Variants in HMCN1 observed in about 807,000 individuals in gnomAD.
HMCN1 encodes the protein hemicentin-1.
Under a neutral mutation model 625.9 loss-of-function variants are expected in HMCN1, and 321 were observed. That is an observed-to-expected ratio of 0.51 (90% CI 0.47 to 0.56). HMCN1 has a LOEUF of 0.56. HMCN1 is among the 20% of genes least tolerant of loss of function. The pLI, the probability that HMCN1 is intolerant of heterozygous loss-of-function variation, is 0.00. For synonymous variants in HMCN1, 2,425 were observed against 2,417.6 expected, an observed-to-expected ratio of 1.00 and a Z score of -0.09; for missense variants, 6,588 against 6,887.3, an observed-to-expected ratio of 0.96 and a Z score of 1.54.
In HMCN1 at chr1:186,144,720, G is replaced by C. The variant is rs17531405; in HGVS notation, c.14266+17G>C. Reference sequence around the variant, plus strand: ...CTTGCCCAAGTGAGTGTTGGAAATAGTGAGTCAACATTATACTTTCATAAA... The same window carrying C: ...CTTGCCCAAGTGAGTGTTGGAAATACTGAGTCAACATTATACTTTCATAAA... On this transcript the variant is annotated intron_variant, in intron 91 of 106. Coordinates refer to ENST00000271588, the MANE Select transcript of HMCN1 (RefSeq NM_031935.3). The C allele has an allele frequency of 0.16, 260,148 of 1,612,190 alleles. 23,290 individuals are homozygous for C. The highest frequency in any genetic ancestry group is 0.22 in the Middle Eastern group (1,323 of 6,058).
At chr1:185,735,347 A>T (rs1232934517) in intron 1 of HMCN1, among the ~76,000 whole-genome samples, 1 of 152,220 alleles carries the variant, frequency 6.6e-6, no homozygotes, top group Non-Finnish European at 1.5e-5. Context: ...AAAATCACTT[A>T]ACTCACTTAG....
intron 1 of HMCN1, among the ~76,000 whole-genome samples, chr1:185,790,723 C>T (rs1657929966): frequency 6.6e-6 from 1 of 152,226 alleles, no homozygotes; most frequent in Non-Finnish European, 1.5e-5. Context: ...TTGCTGATTG[C>T]ATCCCCCATT....
intron 30 of HMCN1, among the ~76,000 whole-genome samples, chr1:186,010,338 T>C (rs1653919265): frequency 1.3e-5 from 2 of 152,322 alleles, no homozygotes; most frequent in Non-Finnish European, 2.9e-5. Flanking sequence ...GGCAAATATG[T>C]ATGAATTAAA....
intron 1 of HMCN1, among the ~76,000 whole-genome samples, chr1:185,735,674 T>G (rs1167246782): frequency 6.6e-6 from 1 of 152,208 alleles, no homozygotes; most frequent in Non-Finnish European, 1.5e-5. Context: ...TAGAATTGCT[T>G]GTAATTCGGA....
At chr1:185,874,948 C>T (rs1663838823) in intron 4 of HMCN1, among the ~76,000 whole-genome samples, 1 of 151,178 alleles carries the variant, frequency 6.6e-6, no homozygotes, top group Non-Finnish European at 1.5e-5. Flanking sequence ...ATTATTTATT[C>T]AAATAATATT....
At chr1:185,869,623 G>T (rs577098297) in intron 4 of HMCN1, among the ~76,000 whole-genome samples, 24 of 152,186 alleles carry the variant, frequency 1.6e-4, no homozygotes, top group African/African-American at 5.5e-4. Flanking sequence ...AACTGTACAA[G>T]TCAATATATT....
intron 4 of HMCN1, among the ~76,000 whole-genome samples, chr1:185,891,677 T>C (rs1470508376): frequency 1.3e-5 from 2 of 148,168 alleles, no homozygotes; most frequent in Non-Finnish European, 2.9e-5. Flanking sequence ...TGCCGAGAGA[T>C]CCGCTGTTAG....
chr1:186,106,344 A>G (rs1660606135), intron 69 of HMCN1, among the ~76,000 whole-genome samples: 1 of 152,206 alleles, frequency 6.6e-6, no homozygotes, highest in Admixed American at 6.5e-5. Context: ...TTAGATAATT[A>G]TAGATCCTGC....
chr1:185,854,693 T>C lies in HMCN1; in HGVS notation c.339+8597T>C, dbSNP rs192092732. Among the ~76,000 whole-genome samples the C allele has an allele frequency of 1.2e-3, 187 of 152,304 alleles. 1 individual carries two copies. Among genetic ancestry groups the C allele is most frequent in the African/African-American group, 1.6e-3 (66 of 41,570 alleles). ...TTTGCTCTATCATATATGTAGTCATTGCCTTTAAGATCTTATTTCATCATT... is the reference window on the plus strand; with the variant it reads ...TTTGCTCTATCATATATGTAGTCATCGCCTTTAAGATCTTATTTCATCATT... On this transcript the variant is annotated intron_variant, in intron 2 of 106. Transcript: ENST00000271588.
intron 1 of HMCN1, among the ~76,000 whole-genome samples, chr1:185,812,937 A>G (rs1036986987): frequency 6.6e-6 from 1 of 152,128 alleles, no homozygotes; most frequent in Non-Finnish European, 1.5e-5. Flanking sequence ...AAAGATAACT[A>G]TTATAAGTTT....
intron 103 of HMCN1, among the ~76,000 whole-genome samples, chr1:186,175,888 AAAAG>A (rs1421964473): frequency 8.8e-5 from 13 of 148,450 alleles, no homozygotes; most frequent in African/African-American, 2.2e-4. Flanking sequence ...AAAAAAAAAA[AAAAG>A]AAAGAAAAGA....
intron 11 of HMCN1, among the ~76,000 whole-genome samples, chr1:185,948,956 C>T (rs1233945674): frequency 1.3e-5 from 2 of 151,326 alleles, no homozygotes; most frequent in African/African-American, 4.9e-5. Context: ...AAGCATTTGT[C>T]GTATAGAATG....
chr1:186,111,237 T>TCC, intron 71 of HMCN1, among the ~76,000 whole-genome samples: 1 of 152,010 alleles, frequency 6.6e-6, no homozygotes, highest in East Asian at 1.9e-4. Flanking sequence ...CGCCTCAGCC[T>TCC]CCCAAAGTGC....
At chr1:186,074,556 G>A (rs1658681975) in intron 52 of HMCN1, among the ~76,000 whole-genome samples, 185 bp from the exon 53 acceptor site, 1 of 152,006 alleles carries the variant, frequency 6.6e-6, no homozygotes, top group Non-Finnish European at 1.5e-5. Flanking sequence ...ATAAAAATTT[G>A]ATTAGTCAAA....
chr1:186,167,258 C>A (rs993136692), intron 100 of HMCN1, among the ~76,000 whole-genome samples: 2 of 152,208 alleles, frequency 1.3e-5, no homozygotes, highest in Non-Finnish European at 2.9e-5. Flanking sequence ...ACTGCACAGT[C>A]CAATAAAATC....
rs368798833 is a variant in HMCN1, at chr1:185,911,704, A to C, written c.824A>C (p.His275Pro). ...GKLIKKGFGL[H>P]ELLNIHNSAK... is the part of the protein sequence containing the mutation. ...CTGATAAAAAAGGGATTTGGCCTGC[A>C]TGAGCTATTAAATATCCATAACTCT... Residue 275 changes from histidine to proline, a missense_variant, in exon 6 of 107, where the codon CAT becomes CCT. His to Pro is a moderately conservative substitution (Grantham distance 77). Transcript: ENST00000271588. 43 of 1,613,296 alleles carry C rather than the reference A, an allele frequency of 2.7e-5. No homozygotes were observed. Among genetic ancestry groups the C allele is most frequent in the Non-Finnish European group, 3.4e-5 (40 of 1,179,438 alleles).
At chr1:186,036,413 A>G (rs1483790992) in intron 36 of HMCN1, among the ~76,000 whole-genome samples, 2 of 152,082 alleles carry the variant, frequency 1.3e-5, no homozygotes, top group Admixed American at 1.3e-4. Flanking sequence ...ATGAAAGCCA[A>G]GGCAATCTGA....
intron 1 of HMCN1, among the ~76,000 whole-genome samples, chr1:185,833,968 TAC>T (rs1281919977): frequency 6.6e-6 from 1 of 152,212 alleles, no homozygotes; most frequent in African/African-American, 2.4e-5. Flanking sequence ...CAAATTAAAC[TAC>T]AGATTTTTGA....
rs1571597383 is a variant in HMCN1, at chr1:185,945,868, G to T, written c.1828+12044G>T. On this transcript the variant is annotated intron_variant, in intron 11 of 106. Transcript: ENST00000271588. ...TCACTCTTGTCTTTAGTAGTCTTTT[G>T]ATATAGAATTGGAGGAATCATTTGG... Among the ~76,000 whole-genome samples, 2 of 152,270 alleles carry T rather than the reference G, an allele frequency of 1.3e-5. 1 individual carries two copies. The highest frequency in any genetic ancestry group is 4.1e-4 in the South Asian group (2 of 4,824).
Sources: allele counts gnomAD v4.1 joint callset (sites outside exome capture counted in the v4.1 genomes callset), GRCh38; gene constraint gnomAD v4.1.1; transcripts MANE v1.5; gene names NCBI Gene and HGNC (gene_info 2026-07-23, HGNC 2026-07-21).